The following TOR2A variants were observed in gnomAD, a reference collection of about 807,000 sequenced individuals.
TOR2A encodes prosalusin.
A neutral mutation model predicts 28.6 loss-of-function variants in TOR2A; 24 were observed. The ratio of observed to expected loss-of-function variants is 0.84; its 90% confidence interval spans 0.61 to 1.18. TOR2A has a LOEUF of 1.18. TOR2A is among the 50% of genes most tolerant of loss of function. The pLI is 0.00. For missense variants in TOR2A, 426 were observed against 448.1 expected, an observed-to-expected ratio of 0.95 and a Z score of 0.45; for synonymous variants, 203 against 203.1, an observed-to-expected ratio of 1.00 and a Z score of 0.00.
At position 127,734,325 on chromosome 9, in the gene TOR2A, G is replaced by T. The variant is rs764335121; in HGVS notation, c.391C>A (p.His131Asn). 2 of 1,602,658 alleles carry T rather than the reference G, an allele frequency of 1.2e-6. No individual in the cohort carries two copies. The highest frequency in any genetic ancestry group is 1.7e-6 in the Non-Finnish European group (2 of 1,174,336). Residue 131 changes from histidine to asparagine, a missense_variant, in exon 2 of 5, where the codon CAC (histidine) becomes AAC (asparagine). Physicochemically the swap from His to Asn is moderately conservative, Grantham distance 68. Coordinates refer to ENST00000373284, the MANE Select transcript of TOR2A (RefSeq NM_001085347.3). ...TTGTAGCGCTCGATGTGGCTGGGGT[G>T]GGGGAAGTGGAGGACGGGAGAAAAG... ...HHFSPVLHFPHPSHIERYKKD... is the reference protein window; with the variant it reads ...HHFSPVLHFPNPSHIERYKKD...
Position 127,735,283 on chromosome 9 carries a change from C to A in TOR2A, c.-13G>T. ...TCGCAGCCGCCATCCGGGTGAGGCCCGAGCTCGTTGTGGGGCAGTCAACTG... is the reference window on the plus strand; with the variant it reads ...TCGCAGCCGCCATCCGGGTGAGGCCAGAGCTCGTTGTGGGGCAGTCAACTG... On this transcript the variant is annotated 5_prime_UTR_variant, in exon 1 of 5. Transcript: ENST00000373284. 1 of 1,377,392 alleles carries A rather than the reference C, an allele frequency of 7.3e-7. No individual in the cohort carries two copies. Among genetic ancestry groups the A allele is most frequent in the East Asian group, 3.1e-5 (1 of 32,714 alleles). The allele number at this position is 1,377,392 out of a possible 1,614,324, so 85.3% of individuals were successfully genotyped here.
At chr9:127,734,681 A>G (rs1844613376) in intron 1 of TOR2A, 117 bp from the exon 2 acceptor site, 2 of 1,205,850 alleles carry the variant, frequency 1.7e-6, no homozygotes, top group East Asian at 3.1e-5. Context: ...CAAGCTGCCT[A>G]TGCACATGGC....
intron 3 of TOR2A, 37 bp from the exon 4 acceptor site, chr9:127,732,728 AGGACTAGCGCAG>A: frequency 6.4e-7 from 1 of 1,550,872 alleles, no homozygotes; most frequent in South Asian, 1.2e-5. Flanking sequence ...GACTCAGATG[AGGACTAGCGCAG>A]GGCAGGATTG....
intron 1 of TOR2A, chr9:127,734,916 T>A: frequency 1.4e-6 from 1 of 729,132 alleles, no homozygotes; most frequent in Non-Finnish European, 2.0e-6. Flanking sequence ...TTCTGCTGGC[T>A]GAGGCCTCTC....
intron 1 of TOR2A, 125 bp from the exon 2 acceptor site, chr9:127,734,689 G>A (rs1289704443): frequency 8.6e-7 from 1 of 1,169,164 alleles, no homozygotes; most frequent in East Asian, 3.1e-5. Context: ...CTATGCACAT[G>A]GCACGCAAAC....
In TOR2A at chr9:127,733,425, A is replaced by G. The variant is rs1844552570; in HGVS notation, c.553T>C (p.Tyr185His). The change falls in exon 3 of 5, where the codon TAC becomes CAC. Residue 185 changes from tyrosine to histidine, a missense_variant. By Grantham distance (83) the Tyr-to-His change is moderately conservative (BLOSUM62 2). Coordinates refer to ENST00000373284, the MANE Select transcript of TOR2A (RefSeq NM_001085347.3). ...RPFLGSSWVV[Y>H]GTNYRKAIFI... Reference sequence around the variant, plus strand: ...ATGGCTTTGCGGTAATTGGTCCCGTATACCACCCAGGAGGAGCCCAGGAAA... The same window carrying G: ...ATGGCTTTGCGGTAATTGGTCCCGTGTACCACCCAGGAGGAGCCCAGGAAA... The G allele has an allele frequency of 6.2e-7, 1 of 1,613,834 alleles. No individual in the cohort carries two copies. The highest frequency in any genetic ancestry group is 8.5e-7 in the Non-Finnish European group (1 of 1,179,978).
chr9:127,732,903 C>G, intron 3 of TOR2A: 1 of 1,417,424 alleles, frequency 7.1e-7, no homozygotes, highest in South Asian at 1.6e-5. Flanking sequence ...TTATAGTTTA[C>G]AAAACACTTT....
In TOR2A at chr9:127,731,928, G is replaced by A. The variant is rs1473812328; in HGVS notation, c.*106C>T. 47 of 1,513,514 alleles carry A rather than the reference G, an allele frequency of 3.1e-5. No individual in the cohort carries two copies. In the East Asian group the frequency reaches 9.1e-4, roughly 29 times the overall value. The allele number at this position is 1,513,514 out of a possible 1,614,324, so 93.8% of individuals were successfully genotyped here. A position where few individuals can be genotyped will look rare whatever the true frequency, so the allele number is the denominator to read the frequency against. On this transcript the variant is annotated 3_prime_UTR_variant, in exon 5 of 5. Coordinates refer to ENST00000373284, the MANE Select transcript of TOR2A (RefSeq NM_001085347.3). ...TGGCCATCTGTCCCGTGGCCTAGCCGACACTCCGTTCATCTCACTTGGTGC... is the reference window on the plus strand; with the variant it reads ...TGGCCATCTGTCCCGTGGCCTAGCCAACACTCCGTTCATCTCACTTGGTGC...
Position 127,732,192 on chromosome 9 carries a change from GC to G in TOR2A, c.807del (p.His270ThrfsTer83). ...PFLPLQRHHVRHCVLNELAQL... is the reference protein window; with the variant it reads ...PFLPLQRHHVXHCVLNELAQL... ...TGGGCCAGCTCGTTGAGCACGCAGT[GC>G]CGGACGTGGTGCCGCTGGAGCGGGA... On this transcript the variant is annotated frameshift_variant, in exon 5 of 5. Coordinates refer to ENST00000373284, the MANE Select transcript of TOR2A (RefSeq NM_001085347.3). LOFTEE classifies it high-confidence loss of function. The G allele has an allele frequency of 1.2e-6, 2 of 1,612,906 alleles. No homozygotes were observed. Among genetic ancestry groups the G allele is most frequent in the Non-Finnish European group, 1.7e-6 (2 of 1,179,676 alleles).
chr9:127,732,198 C>T lies in TOR2A; in HGVS notation c.802G>A (p.Val268Ile), dbSNP rs532673225. 1.4e-5 allele frequency: 23 copies of T among 1,612,658 alleles called. No individual in the cohort carries two copies. The highest frequency in any genetic ancestry group is 1.7e-4 in the Middle Eastern group (1 of 5,990). ...VPFLPLQRHH[V>I]RHCVLNELAQ... ...AGCTCGTTGAGCACGCAGTGCCGGA[C>T]GTGGTGCCGCTGGAGCGGGAGGAAG... Residue 268 changes from valine to isoleucine, a missense_variant, in exon 5 of 5, where the codon GTC becomes ATC. By Grantham distance (29) the Val-to-Ile change is conservative (BLOSUM62 3). Transcript: ENST00000373284.
intron 2 of TOR2A, 164 bp downstream of exon 2, chr9:127,734,135 G>T: frequency 1.1e-6 from 1 of 911,378 alleles, no homozygotes; most frequent in Non-Finnish European, 1.6e-6. Context: ...CTCCCTGCCA[G>T]GTAGAATGAC....
At chr9:127,734,693 C>G in intron 1 of TOR2A, 129 bp from the exon 2 acceptor site, 1 of 1,136,666 alleles carries the variant, frequency 8.8e-7, no homozygotes, top group African/African-American at 1.6e-5. Flanking sequence ...GCACATGGCA[C>G]GCAAACCTTG....
Position 127,732,025 on chromosome 9 carries a change from C to T in TOR2A, c.*9G>A, listed in dbSNP as rs1485743252. 1 of 1,611,228 alleles carries T rather than the reference C, an allele frequency of 6.2e-7. No individual in the cohort carries two copies. The highest frequency in any genetic ancestry group is 1.7e-5 in the Admixed American group (1 of 59,862). On this transcript the variant is annotated 3_prime_UTR_variant, in exon 5 of 5. Transcript: ENST00000373284. ...GCCATCAGGGGGGCCGAGGACACCA[C>T]TCAGAGAGTCAGAGGAAGAAGGCGA...
intron 1 of TOR2A, 45 bp downstream of exon 1, chr9:127,735,065 TCCCGCGTCTG>T (rs1231692344): frequency 7.2e-7 from 1 of 1,380,992 alleles, no homozygotes; most frequent in Non-Finnish European, 9.3e-7. Flanking sequence ...CTCCCAGCGC[TCCCGCGTCTG>T]CCCGCGTCCG....
At position 127,731,783 on chromosome 9, in the gene TOR2A, G is replaced by A; in HGVS notation, c.*251C>T. On this transcript the variant is annotated 3_prime_UTR_variant, in exon 5 of 5. Transcript: ENST00000373284. ...CCTGAGTTATAATTCACAGTAAGAAGGCTCAGGCTGCAGGGGGAGGTCAAG... is the reference window on the plus strand; with the variant it reads ...CCTGAGTTATAATTCACAGTAAGAAAGCTCAGGCTGCAGGGGGAGGTCAAG... The A allele has an allele frequency of 1.3e-6, 1 of 743,340 alleles. No homozygotes were observed. The highest frequency in any genetic ancestry group is 2.1e-6 in the Non-Finnish European group (1 of 485,868). The allele number at this position is 743,340 out of a possible 1,614,324, so 46.0% of individuals were successfully genotyped here. A position where few individuals can be genotyped will look rare whatever the true frequency, so the allele number is the denominator to read the frequency against.
Position 127,732,275 on chromosome 9 carries a change from C to T in TOR2A, c.725G>A (p.Gly242Asp). 1 of 1,574,918 alleles carries T rather than the reference C, an allele frequency of 6.3e-7. No individual in the cohort carries two copies. Among genetic ancestry groups the T allele is most frequent in the Non-Finnish European group, 8.6e-7 (1 of 1,156,240 alleles). Residue 242 changes from glycine (G) to aspartate (D), a missense_variant, in exon 5 of 5, where the codon GGC (glycine) becomes GAC (aspartate). Transcript: ENST00000373284. ...TTCCATGATGCCCGAGTTTGAGAAG[C>T]CATCTGCAGGAAGGGTAGGTGGGGA... Reference protein sequence around the residue: ...SRAVLDNPHHGFSNSGIMEER... With the variant: ...SRAVLDNPHHDFSNSGIMEER...
At position 127,732,121 on chromosome 9, in the gene TOR2A, G is replaced by T. The variant is rs771955621; in HGVS notation, c.879C>A (p.Asp293Glu). 6.2e-7 allele frequency: 1 copy of T among 1,613,722 alleles called. No homozygotes were observed. Among genetic ancestry groups the T allele is most frequent in the Non-Finnish European group, 8.5e-7 (1 of 1,180,014 alleles). ...CGTCTTCAGGGAAGAAGGTGGTGCT[G>T]TCCAGCACAGCCTGGACAACCTCAT... is the stretch of plus-strand genomic sequence containing the variant. ...PRDEVVQAVL[D>E]STTFFPEDEQ... The change falls in exon 5 of 5, where the codon GAC (aspartate) becomes GAA (glutamate). Residue 293 changes from aspartate to glutamate, a missense_variant. Asp to Glu is a conservative substitution (Grantham distance 45). Coordinates refer to ENST00000373284, the MANE Select transcript of TOR2A (RefSeq NM_001085347.3).
chr9:127,732,579 G>A lies in TOR2A; in HGVS notation c.706C>T (p.Leu236=). Residue 236 remains leucine, a synonymous_variant, in exon 4 of 5, where the codon CTG becomes TTG. Coordinates refer to ENST00000373284, the MANE Select transcript of TOR2A (RefSeq NM_001085347.3). Reference sequence around the variant, plus strand: ...CCAGACTCACGGTGCGGGTTGTCCAGCACCGCGCGGGAGATGACCGGCTCC... The same window carrying A: ...CCAGACTCACGGTGCGGGTTGTCCAACACCGCGCGGGAGATGACCGGCTCC... The part of the protein sequence containing the change: ...ELEPVISRAV[L]DNPHHGFSNS... 6.3e-7 allele frequency: 1 copy of A among 1,590,806 alleles called. No homozygotes were observed. The highest frequency in any genetic ancestry group is 8.5e-7 in the Non-Finnish European group (1 of 1,172,720).
intron 2 of TOR2A, 23 bp from the exon 3 acceptor site, chr9:127,733,583 C>T: frequency 1.3e-6 from 2 of 1,580,954 alleles, no homozygotes; most frequent in South Asian, 1.1e-5. Flanking sequence ...GACAGGAGTT[C>T]CAGGGGAGCT....
Sources: gnomAD v4.1 joint callset for allele counts on GRCh38, gnomAD v4.1.1 for gene constraint, MANE v1.5 for transcripts, NCBI Gene and HGNC (gene_info 2026-07-23, HGNC 2026-07-21) for gene names.